Variants in SLC5A11 observed in about 807,000 individuals in gnomAD.
SLC5A11 encodes the protein solute carrier family 5 member 11.
Under a neutral mutation model 69.8 loss-of-function variants are expected in SLC5A11, and 48 were observed. That is an observed-to-expected ratio of 0.69 (90% CI 0.55 to 0.87). The LOEUF (loss-of-function observed/expected upper bound fraction) is 0.87. SLC5A11 is among the 40% of genes least tolerant of loss of function. The pLI, the probability that SLC5A11 is intolerant of heterozygous loss-of-function variation, is 0.00. For missense variants in SLC5A11, 784 were observed against 866.1 expected (o/e 0.91, Z 1.19); for synonymous variants, 319 against 342.4 (o/e 0.93, Z 0.75).
At chr16:24,875,570 G>A in intron 5 of SLC5A11, 57 bp from the exon 7 acceptor site, 2 of 1,413,502 alleles carry the variant, frequency 1.4e-6, no homozygotes, top group Non-Finnish European at 2.0e-6. Context: ...TTGTGTGGGG[G>A]GGTCACGTGC....
intron 8 of SLC5A11, among the ~76,000 whole-genome samples, chr16:24,888,478 C>CTTTTTTTTTTTTT (rs891552223): frequency 3.7e-5 from 3 of 81,406 alleles, no homozygotes; most frequent in African/African-American, 1.0e-4. Flanking sequence ...GTATCTATTT[C>CTTTTTTTTTTTTT]TTTTTTTTTT....
intron 7 of SLC5A11, among the ~76,000 whole-genome samples, chr16:24,880,733 A>G (rs2060333593): frequency 6.6e-6 from 1 of 151,790 alleles, no homozygotes; most frequent in Admixed American, 6.6e-5. Flanking sequence ...CCATAATCCA[A>G]TCACCTCCCA....
At chr16:24,893,419 C>T (rs2048947236) in intron 9 of SLC5A11, among the ~76,000 whole-genome samples, 1 of 151,964 alleles carries the variant, frequency 6.6e-6, no homozygotes, top group Non-Finnish European at 1.5e-5. Context: ...TTGACCCATT[C>T]TGCCACCAGG....
chr16:24,875,585 G>A, intron 5 of SLC5A11, 42 bp from the exon 7 acceptor site: 1 of 1,550,386 alleles, frequency 6.5e-7, no homozygotes, highest in Non-Finnish European at 8.9e-7. Flanking sequence ...ACGTGCTGGT[G>A]GTGAAGTCCG....
chr16:24,883,473 C>T (rs2152339506), intron 7 of SLC5A11, among the ~76,000 whole-genome samples: 1 of 152,298 alleles, frequency 6.6e-6, no homozygotes, highest in South Asian at 2.1e-4. Flanking sequence ...GTTAAAAAAC[C>T]ACCCACAAAT....
intron 1 of SLC5A11, among the ~76,000 whole-genome samples, chr16:24,855,944 G>A (rs764242662): frequency 7.9e-5 from 12 of 152,242 alleles, no homozygotes; most frequent in South Asian, 6.2e-4. Flanking sequence ...GTCTCAAGCC[G>A]GAGTCACTAC....
chr16:24,891,749 C>T (rs57215622), intron 9 of SLC5A11, among the ~76,000 whole-genome samples: 67,887 of 151,924 alleles, frequency 0.45, 15,449 homozygotes, highest in Non-Finnish European at 0.5. Context: ...CCTCTACGTA[C>T]CAGGCACTCT....
intron 10 of SLC5A11, among the ~76,000 whole-genome samples, chr16:24,899,837 G>A (rs1241586882): frequency 1.3e-5 from 2 of 152,026 alleles, no homozygotes; most frequent in Admixed American, 6.6e-5. Flanking sequence ...CTTAGTAGCT[G>A]GACTACGGGT....
At chr16:24,907,175 G>A in exon 12 of SLC5A11, 1 of 1,613,980 alleles carries the variant, frequency 6.2e-7, no homozygotes. Flanking sequence ...ATTGTGGGCA[G>A]GTAAGTCCCC....
chr16:24,864,750 G>A (rs574172326), intron 3 of SLC5A11, among the ~76,000 whole-genome samples: 18 of 152,118 alleles, frequency 1.2e-4, no homozygotes, highest in Admixed American at 6.5e-4. Context: ...ATGTCTTGAA[G>A]ACTAAAGAAA....
intron 3 of SLC5A11, among the ~76,000 whole-genome samples, chr16:24,864,467 A>G (rs2152277385): frequency 6.6e-6 from 1 of 152,338 alleles, no homozygotes; most frequent in East Asian, 1.9e-4. Context: ...AGAAGCAGCA[A>G]CAACAGCAAG....
At chr16:24,877,738 C>T (rs991826589) in intron 7 of SLC5A11, among the ~76,000 whole-genome samples, 7 of 152,146 alleles carry the variant, frequency 4.6e-5, no homozygotes, top group African/African-American at 1.7e-4. Flanking sequence ...GTAATCCCTG[C>T]ACTTTGGGAG....
At chr16:24,850,914 G>A (rs1023753339) in intron 1 of SLC5A11, among the ~76,000 whole-genome samples, 7 of 151,572 alleles carry the variant, frequency 4.6e-5, no homozygotes, top group East Asian at 2.0e-4. Flanking sequence ...AGGTTCAAGC[G>A]ATTCTTCTGC....
intron 10 of SLC5A11, among the ~76,000 whole-genome samples, chr16:24,901,611 A>G (rs1342068644): frequency 6.6e-6 from 1 of 151,622 alleles, no homozygotes; most frequent in African/African-American, 2.4e-5. Flanking sequence ...CCTTGTTTAA[A>G]AAAAATCATT....
chr16:24,851,544 CA>C (rs569130310), intron 1 of SLC5A11, among the ~76,000 whole-genome samples: 1 of 150,544 alleles, frequency 6.6e-6, no homozygotes, highest in Non-Finnish European at 1.5e-5. Context: ...GACTTCATCT[CA>C]AAAAAAACAA....
intron 10 of SLC5A11, 38 bp downstream of exon 11, chr16:24,898,147 G>C: frequency 6.2e-7 from 1 of 1,608,854 alleles, no homozygotes; most frequent in Admixed American, 1.7e-5. Context: ...ATTGGTATGT[G>C]AGTCTCAGAC....
At position 24,849,593 on chromosome 16, in the gene SLC5A11, A is replaced by AATATATATATATATAT. The variant is rs1555515955; in HGVS notation, c.-25+3170_-25+3185dup. Among the ~76,000 whole-genome samples the AATATATATATATATAT allele has an allele frequency of 2.1e-3, 74 of 35,804 alleles. 1 individual carries two copies. Among genetic ancestry groups the AATATATATATATATAT allele is most frequent in the Middle Eastern group, 0.017 (1 of 60 alleles). The allele number at this position is 35,804 out of a possible 152,430, so 23.5% of individuals were successfully genotyped here. A position where few individuals can be genotyped will look rare whatever the true frequency, so the allele number is the denominator to read the frequency against. ...GGGGCAAAAAAAAAAAAAAAAAAAA[A>AATATATATATATATAT]ATATATATATATATATATATATATA... is the stretch of plus-strand genomic sequence containing the variant. On this transcript the variant is annotated intron_variant, in intron 1 of 15. Coordinates refer to ENST00000347898, the Ensembl canonical transcript of SLC5A11.
chr16:24,866,999 A>G (rs565700981), intron 3 of SLC5A11, among the ~76,000 whole-genome samples: 1 of 152,332 alleles, frequency 6.6e-6, no homozygotes, highest in East Asian at 1.9e-4. Flanking sequence ...ACAAGAAAAT[A>G]GAAGACATGA....
chr16:24,862,738 A>C lies in SLC5A11; in HGVS notation c.207+66A>C, dbSNP rs2046656213. On this transcript the variant is annotated intron_variant, in intron 3 of 15. Coordinates refer to ENST00000347898, the Ensembl canonical transcript of SLC5A11. ...ATCTTCAAGTGCTGGGATTCTGTCC[A>C]GCCTTTGATATCTCAGGACTCTCTG... The C allele has an allele frequency of 9.7e-6, 14 of 1,443,306 alleles. No individual in the cohort carries two copies. In the Admixed American group the frequency reaches 2.4e-4, roughly 24 times the overall value. 89.4% of individuals were successfully genotyped at this position (1,443,306 alleles called of 1,614,324 possible). A position where few individuals can be genotyped will look rare whatever the true frequency, so the allele number is the denominator to read the frequency against.
Sources: allele counts gnomAD v4.1 joint callset (sites outside exome capture counted in the v4.1 genomes callset), GRCh38; gene constraint gnomAD v4.1.1; transcripts MANE v1.5; gene names NCBI Gene and HGNC (gene_info 2026-07-23, HGNC 2026-07-21).